The following FA2H variants were observed in gnomAD, a reference collection of about 807,000 sequenced individuals.
FA2H encodes fatty acid alpha-hydroxylase.
FA2H carries 22 observed loss-of-function variants against 44.9 expected under a neutral mutation model. The observed-to-expected ratio is 0.49, with a 90% CI of 0.35 to 0.70. FA2H has a LOEUF of 0.70. Among genes scored for constraint, FA2H ranks in the 30% least tolerant of loss-of-function variants. The pLI is 0.01. For missense variants in FA2H, 501 were observed against 504.9 expected (o/e 0.99, Z 0.07); for synonymous variants, 243 against 213.2 (o/e 1.14, Z -1.22).
At chr16:74,749,338 C>G (rs928564933) in intron 1 of FA2H, among the ~76,000 whole-genome samples, 5 of 152,160 alleles carry the variant, frequency 3.3e-5, no homozygotes, top group Non-Finnish European at 7.4e-5. Flanking sequence ...AAGTGAGAAG[C>G]CTCAGAACCC....
At chr16:74,718,847 G>A (rs531755619) in intron 5 of FA2H, 141 bp downstream of exon 5, 16 of 989,386 alleles carry the variant, frequency 1.6e-5, no homozygotes, top group Middle Eastern at 3.0e-4. Flanking sequence ...CAGTTGCCCC[G>A]TGAGTCACAT....
intron 2 of FA2H, among the ~76,000 whole-genome samples, chr16:74,728,779 TC>T (rs1367320465): frequency 3.7e-4 from 53 of 144,172 alleles, no homozygotes; most frequent in African/African-American, 1.3e-3. Context: ...TTTATCTCTT[TC>T]TTTTTTTTTT....
At chr16:74,754,901 G>A (rs573474397) in intron 1 of FA2H, among the ~76,000 whole-genome samples, 21 of 152,208 alleles carry the variant, frequency 1.4e-4, no homozygotes, top group African/African-American at 4.8e-4. Flanking sequence ...ACTTCAGTAT[G>A]ACTAGCATCC....
At chr16:74,758,256 G>T (rs1269044732) in intron 1 of FA2H, among the ~76,000 whole-genome samples, 1 of 151,376 alleles carries the variant, frequency 6.6e-6, no homozygotes, top group Non-Finnish European at 1.5e-5. Context: ...GAGTAGCTGG[G>T]ATTATAGGCG....
intron 1 of FA2H, among the ~76,000 whole-genome samples, chr16:74,757,603 G>A (rs1161010202): frequency 1.3e-5 from 2 of 152,190 alleles, no homozygotes; most frequent in African/African-American, 4.8e-5. Flanking sequence ...AAAAAGAATG[G>A]AGTAAAATTA....
At chr16:74,732,424 T>C (rs1272795819) in intron 2 of FA2H, among the ~76,000 whole-genome samples, 1 of 151,822 alleles carries the variant, frequency 6.6e-6, no homozygotes, top group Admixed American at 6.6e-5. Context: ...TGGCATAGGA[T>C]TCTTTTTCTT....
chr16:74,715,768 C>A (rs79115979), intron 6 of FA2H, among the ~76,000 whole-genome samples: 1 of 152,184 alleles, frequency 6.6e-6, no homozygotes, highest in Non-Finnish European at 1.5e-5. Context: ...GACCCTCCCC[C>A]ACCTATGTGA....
intron 1 of FA2H, among the ~76,000 whole-genome samples, chr16:74,764,377 A>G (rs555520019): frequency 6.6e-6 from 1 of 152,368 alleles, no homozygotes; most frequent in East Asian, 1.9e-4. Flanking sequence ...ACCATGGAAT[A>G]CTATACAGCC....
At chr16:74,763,896 C>G (rs1962758171) in intron 1 of FA2H, among the ~76,000 whole-genome samples, 1 of 152,174 alleles carries the variant, frequency 6.6e-6, no homozygotes, top group African/African-American at 2.4e-5. Context: ...TATGTTAAAG[C>G]AAATCCCACC....
intron 6 of FA2H, 55 bp downstream of exon 6, chr16:74,716,292 G>T: frequency 6.3e-7 from 1 of 1,594,802 alleles, no homozygotes; most frequent in East Asian, 2.2e-5. Flanking sequence ...ATGGTAGTTG[G>T]CAAATAAATC....
At chr16:74,773,954 C>T (rs945151557) in intron 1 of FA2H, among the ~76,000 whole-genome samples, 1 of 152,182 alleles carries the variant, frequency 6.6e-6, no homozygotes, top group Non-Finnish European at 1.5e-5. Flanking sequence ...CCAGACATGG[C>T]CCAGGCAAGG....
At chr16:74,769,750 C>G (rs1962871890) in intron 1 of FA2H, among the ~76,000 whole-genome samples, 1 of 152,214 alleles carries the variant, frequency 6.6e-6, no homozygotes, top group Non-Finnish European at 1.5e-5. Flanking sequence ...TCATACTCTG[C>G]TAACATGTGG....
rs530282367 is a variant in FA2H at position 74,755,011 on chromosome 16, C to G, written c.271-14896G>C. 1.4e-3 allele frequency among the ~76,000 whole-genome samples: 219 copies of G among 152,262 alleles called. 1 individual carries two copies. Among genetic ancestry groups the G allele is most frequent in the African/African-American group, 5.1e-3 (210 of 41,546 alleles). On this transcript the variant is annotated intron_variant, in intron 1 of 6. Coordinates refer to ENST00000219368, the MANE Select transcript of FA2H (RefSeq NM_024306.5). Reference sequence around the variant, plus strand: ...AGATGGAAGCGATACAACTACAAGCCAAGAAACACCAAAGGACAGCAGCCC... The same window carrying G: ...AGATGGAAGCGATACAACTACAAGCGAAGAAACACCAAAGGACAGCAGCCC...
At position 74,774,638 on chromosome 16, in the gene FA2H, C is replaced by G. The variant is rs771357835; in HGVS notation, c.118G>C (p.Val40Leu). 12 of 1,512,196 alleles carry G rather than the reference C, an allele frequency of 7.9e-6. No homozygotes were observed. Among genetic ancestry groups the G allele is most frequent in the African/African-American group, 1.4e-5 (1 of 70,088 alleles). The allele number at this position is 1,512,196 out of a possible 1,614,324, so 93.7% of individuals were successfully genotyped here. A position where few individuals can be genotyped will look rare whatever the true frequency, so the allele number is the denominator to read the frequency against. Reference sequence around the variant, plus strand: ...TGCTCGCCCCCCGGGTGGTGCCGCACGAAGCTGGAGAGGTCGTAGAGGCGG... The same window carrying G: ...TGCTCGCCCCCCGGGTGGTGCCGCAGGAAGCTGGAGAGGTCGTAGAGGCGG... ...GARLYDLSSF[V>L]RHHPGGEQLL... is the part of the protein sequence containing the mutation. The change falls in exon 1 of 7, where the codon GTG becomes CTG. Residue 40 changes from valine to leucine, a missense_variant. Val to Leu is a conservative substitution (Grantham distance 32). Coordinates refer to ENST00000219368, the MANE Select transcript of FA2H (RefSeq NM_024306.5).
At chr16:74,744,107 C>T (rs1220336802) in intron 1 of FA2H, among the ~76,000 whole-genome samples, 1 of 152,128 alleles carries the variant, frequency 6.6e-6, no homozygotes, top group Admixed American at 6.5e-5. Context: ...GCAGCTGTGC[C>T]GCACGCATGC....
intron 2 of FA2H, among the ~76,000 whole-genome samples, chr16:74,735,405 T>C (rs1175799853): frequency 6.6e-6 from 1 of 152,180 alleles, no homozygotes; most frequent in Non-Finnish European, 1.5e-5. Flanking sequence ...CTGAGCCCTA[T>C]GACCCTCCCG....
intron 1 of FA2H, among the ~76,000 whole-genome samples, chr16:74,768,031 C>A (rs140743874): frequency 6.6e-6 from 1 of 151,982 alleles, no homozygotes; most frequent in Non-Finnish European, 1.5e-5. Flanking sequence ...GGTTTCAGAG[C>A]GCATGGGATG....
At chr16:74,718,491 C>G (rs1345805758) in intron 5 of FA2H, among the ~76,000 whole-genome samples, 1 of 152,110 alleles carries the variant, frequency 6.6e-6, no homozygotes, top group Non-Finnish European at 1.5e-5. Context: ...TCTGGAATCC[C>G]CAGAATGGGG....
chr16:74,737,858 C>T (rs1432426421), intron 2 of FA2H, among the ~76,000 whole-genome samples: 1 of 152,214 alleles, frequency 6.6e-6, no homozygotes, highest in African/African-American at 2.4e-5. Flanking sequence ...CCAGCCCCCG[C>T]TGCCTGGGTC....
Sources: allele counts gnomAD v4.1 joint callset (sites outside exome capture counted in the v4.1 genomes callset), GRCh38; gene constraint gnomAD v4.1.1; transcripts MANE v1.5; gene names NCBI Gene and HGNC (gene_info 2026-07-23, HGNC 2026-07-21).